RCSD1: variants seen among roughly 807,000 people sequenced by gnomAD.
The protein encoded by RCSD1 is RCSD domain containing 1.
A neutral mutation model predicts 42.5 loss-of-function variants in RCSD1; 26 were observed. That is an observed-to-expected ratio of 0.61 (90% confidence interval 0.45 to 0.85). The LOEUF is 0.85. RCSD1 is among the 40% of genes least tolerant of loss of function. The pLI is 0.00. For missense variants in RCSD1, 571 were observed against 528.3 expected (o/e 1.08, Z -0.79); for synonymous variants, 220 against 212.2 (o/e 1.04, Z -0.32).
intron 5 of RCSD1, 31 bp from the exon 6 acceptor site, chr1:167,697,068 T>A: frequency 6.3e-7 from 1 of 1,582,630 alleles, no homozygotes; most frequent in Non-Finnish European, 8.6e-7. Flanking sequence ...TTATGAGTTT[T>A]TGGATAACTT....
chr1:167,685,120 T>C (rs147815159), intron 2 of RCSD1, among the ~76,000 whole-genome samples: 2,036 of 152,258 alleles, frequency 0.013, 50 homozygotes, highest in African/African-American at 0.047. Flanking sequence ...CTGAATGTGA[T>C]TCAGGTCGGT....
At position 167,705,704 on chromosome 1, in the gene RCSD1, A is replaced by T. The variant is rs999533007; in HGVS notation, c.*1008A>T. 3.9e-5 allele frequency: 6 copies of T among 152,148 alleles called. No homozygotes were observed. Among genetic ancestry groups the T allele is most frequent in the African/African-American group, 1.4e-4 (6 of 41,436 alleles). 9.4% of individuals were successfully genotyped at this position (152,148 alleles called of 1,614,324 possible). On this transcript the variant is annotated 3_prime_UTR_variant, in exon 7 of 7. Coordinates refer to ENST00000367854, the MANE Select transcript of RCSD1 (RefSeq NM_052862.4). ...GGAAGCTTTTCTTGACTCACAGCCC[A>T]GGTTCTTCTGCCCAACACAAAAGGA...
At chr1:167,681,942 G>A (rs915559009) in intron 1 of RCSD1, among the ~76,000 whole-genome samples, 1 of 152,168 alleles carries the variant, frequency 6.6e-6, no homozygotes, top group Non-Finnish European at 1.5e-5. Flanking sequence ...GTGGGGCCTC[G>A]CACTCCTCGG....
At position 167,694,195 on chromosome 1, in the gene RCSD1, T is replaced by G; in HGVS notation, c.367T>G (p.Ser123Ala). Reference sequence around the variant, plus strand: ...GGTGTCGCCATTTCACAGCCCACCTTCTACCCCCAGCAGCCCTGGTGTGCG... The same window carrying G: ...GGTGTCGCCATTTCACAGCCCACCTGCTACCCCCAGCAGCCCTGGTGTGCG... Reference protein sequence around the residue: ...AMVSPFHSPPSTPSSPGVRSR... With the variant: ...AMVSPFHSPPATPSSPGVRSR... The change falls in exon 5 of 7, where the codon TCT (serine) becomes GCT (alanine). Residue 123 changes from serine (S) to alanine (A), a missense_variant. By Grantham distance (99) the Ser-to-Ala change is moderately conservative. Coordinates refer to ENST00000367854, the MANE Select transcript of RCSD1 (RefSeq NM_052862.4). The G allele has an allele frequency of 6.2e-7, 1 of 1,614,182 alleles. No homozygotes were observed.
intron 1 of RCSD1, among the ~76,000 whole-genome samples, chr1:167,679,009 T>A (rs1237066225): frequency 1.3e-5 from 2 of 152,266 alleles, no homozygotes; most frequent in African/African-American, 2.4e-5. Context: ...TCTTATGGTT[T>A]CGCTGTGTAC....
chr1:167,666,133 A>C (rs946676909), intron 1 of RCSD1, among the ~76,000 whole-genome samples: 43 of 152,132 alleles, frequency 2.8e-4, no homozygotes, highest in African/African-American at 1.0e-3. Flanking sequence ...TTTTAATCCC[A>C]AAACGTAAAC....
intron 1 of RCSD1, among the ~76,000 whole-genome samples, chr1:167,674,134 A>G (rs1011417423): frequency 6.6e-6 from 1 of 152,214 alleles, no homozygotes; most frequent in African/African-American, 2.4e-5. Flanking sequence ...TGTTCAATAA[A>G]TATTAACTGA....
At position 167,697,174 on chromosome 1, in the gene RCSD1, C is replaced by G; in HGVS notation, c.550C>G (p.Leu184Val). ...FRRSQSDCGE[L>V]GDFRAVESSQ... ...AAGGTCACAGTCAGACTGTGGAGAA[C>G]TTGGAGATTTCAGGGCGGTGGAGTC... Residue 184 changes from leucine (L) to valine (V), a missense_variant, in exon 6 of 7, where the codon CTT becomes GTT. By Grantham distance (32) the Leu-to-Val change is conservative. Transcript: ENST00000367854. The G allele has an allele frequency of 6.2e-7, 1 of 1,614,182 alleles. No homozygotes were observed. The highest frequency in any genetic ancestry group is 1.1e-5 in the South Asian group (1 of 91,086).
At chr1:167,648,991 G>A (rs1029481622) in intron 1 of RCSD1, among the ~76,000 whole-genome samples, 6 of 152,224 alleles carry the variant, frequency 3.9e-5, no homozygotes, top group African/African-American at 1.4e-4. Flanking sequence ...GGAGGTTGCA[G>A]TCTGGTAAGA....
At chr1:167,634,857 A>C (rs952107137) in intron 1 of RCSD1, among the ~76,000 whole-genome samples, 1 of 152,020 alleles carries the variant, frequency 6.6e-6, no homozygotes, top group Non-Finnish European at 1.5e-5. Context: ...TACATACCAG[A>C]TCTTGTATTT....
intron 1 of RCSD1, among the ~76,000 whole-genome samples, chr1:167,653,232 T>C (rs755099396): frequency 1.3e-5 from 2 of 152,256 alleles, no homozygotes; most frequent in African/African-American, 2.4e-5. Context: ...TTTTCTCCCA[T>C]GCTTTGGAAG....
At chr1:167,700,820 TCA>T (rs1168098601) in intron 6 of RCSD1, among the ~76,000 whole-genome samples, 1 of 152,184 alleles carries the variant, frequency 6.6e-6, no homozygotes, top group Non-Finnish European at 1.5e-5. Flanking sequence ...GTCCAAGTAG[TCA>T]CCTGCCAGTG....
In RCSD1 at chr1:167,666,727, C is replaced by T. The variant is rs144197622; in HGVS notation, c.7-17173C>T. Among the ~76,000 whole-genome samples the T allele has an allele frequency of 3.4e-3, 518 of 152,316 alleles. 3 individuals are homozygous for T. The highest frequency in any genetic ancestry group is 0.012 in the African/African-American group (488 of 41,552). On this transcript the variant is annotated intron_variant, in intron 1 of 6. Coordinates refer to ENST00000367854, the MANE Select transcript of RCSD1 (RefSeq NM_052862.4). ...TCAGCAAACCTCTGCAGGCTGAACA[C>T]CCAACAGTCTTCCCTGCCATGCCAG...
intron 1 of RCSD1, among the ~76,000 whole-genome samples, chr1:167,659,367 G>A (rs1391747479): frequency 1.3e-5 from 2 of 152,040 alleles, no homozygotes; most frequent in Non-Finnish European, 2.9e-5. Context: ...ATTTCTATAT[G>A]TAAATAAGTT....
chr1:167,648,497 G>A (rs915074899), intron 1 of RCSD1, among the ~76,000 whole-genome samples: 62 of 152,304 alleles, frequency 4.1e-4, no homozygotes, highest in African/African-American at 1.4e-3. Flanking sequence ...TGAGGTGAGA[G>A]CCCTCCACTA....
intron 1 of RCSD1, among the ~76,000 whole-genome samples, chr1:167,648,475 A>G (rs542683332): frequency 6.6e-6 from 1 of 152,324 alleles, no homozygotes; most frequent in South Asian, 2.1e-4. Flanking sequence ...GAGATGTGCC[A>G]GGTAGGAGAC....
intron 1 of RCSD1, chr1:167,663,941 T>C (rs1213807309): frequency 1.3e-5 from 2 of 152,246 alleles, no homozygotes; most frequent in Non-Finnish European, 1.5e-5. Context: ...TAAGTGCTAT[T>C]ATAAATGTTT....
intron 3 of RCSD1, among the ~76,000 whole-genome samples, chr1:167,686,711 C>G (rs1021560801): frequency 2.0e-5 from 3 of 152,234 alleles, no homozygotes; most frequent in Admixed American, 1.3e-4. Context: ...GGTCATCAGC[C>G]AGTGCTGTGA....
chr1:167,672,571 G>A (rs1658836617), intron 1 of RCSD1, among the ~76,000 whole-genome samples: 1 of 152,180 alleles, frequency 6.6e-6, no homozygotes. Context: ...GCAATGGTGG[G>A]TAGAGTCTTT....
Sources: gnomAD v4.1 joint callset for allele counts (sites outside exome capture counted in the v4.1 genomes callset) on GRCh38, gnomAD v4.1.1 for gene constraint, MANE v1.5 for transcripts, NCBI Gene and HGNC (gene_info 2026-07-23, HGNC 2026-07-21) for gene names.